BRF1: variants seen among roughly 807,000 people sequenced by gnomAD.
BRF1 encodes the protein BRF1 general transcription factor IIIB subunit.
BRF1 carries 59 observed loss-of-function variants against 81.7 expected under a neutral mutation model. That is an observed-to-expected ratio of 0.72 (90% confidence interval 0.59 to 0.90). The LOEUF (loss-of-function observed/expected upper bound fraction) is 0.90. BRF1 is among the 40% of genes least tolerant of loss of function. The pLI is 0.00. For synonymous variants in BRF1, 491 were observed against 395.6 expected, an observed-to-expected ratio of 1.24 and a Z score of -2.86; for missense variants, 1,050 against 936.3, an observed-to-expected ratio of 1.12 and a Z score of -1.58.
intron 5 of BRF1, among the ~76,000 whole-genome samples, chr14:105,245,684 G>A (rs1429744607): frequency 6.6e-6 from 1 of 152,088 alleles, no homozygotes; most frequent in African/African-American, 2.4e-5. Flanking sequence ...GGAAAGGATG[G>A]TCTCTTCAAT....
chr14:105,249,169 G>A (rs1250361323), intron 5 of BRF1: 1 of 1,583,124 alleles, frequency 6.3e-7, no homozygotes, highest in Non-Finnish European at 8.5e-7. Flanking sequence ...ACGCGCTCAT[G>A]TTCAACAACG....
rs1040246571 is a variant in BRF1 at position 105,210,644 on chromosome 14, A to T, written c.1997-56T>A. ...GTCTCTGTGGGACCCAGGAGCCCAG[A>T]CCCCCCAACCCGCCCTGTTCCTGGT... is the stretch of plus-strand genomic sequence containing the variant. On this transcript the variant is annotated intron_variant, in intron 17 of 17. Transcript: ENST00000547530. This position sits in a 1 kb window ranked among gnomAD's most constrained non-coding sequence, Gnocchi z 4.7. 1.3e-6 allele frequency: 2 copies of T among 1,584,718 alleles called. No homozygotes were observed. Among genetic ancestry groups the T allele is most frequent in the Admixed American group, 1.7e-5 (1 of 59,014 alleles).
chr14:105,305,094 G>A (rs1230296016), upstream of BRF1, among the ~76,000 whole-genome samples: 1 of 152,248 alleles, frequency 6.6e-6, no homozygotes, highest in South Asian at 2.1e-4. Context: ...TCATGAGCGG[G>A]ATTAATGCCC....
At chr14:105,251,899 T>TA (rs1297762326) in intron 5 of BRF1, among the ~76,000 whole-genome samples, 1 of 151,944 alleles carries the variant, frequency 6.6e-6, no homozygotes, top group East Asian at 1.9e-4. Context: ...AGACAGGACT[T>TA]ACCCTACACC....
intron 2 of BRF1, among the ~76,000 whole-genome samples, chr14:105,275,064 A>G (rs2056824890): frequency 6.6e-6 from 1 of 152,204 alleles, no homozygotes; most frequent in Non-Finnish European, 1.5e-5. Context: ...GACCTCCCAG[A>G]TTTATTTGAT....
chr14:105,285,879 T>C (rs2057296549), intron 2 of BRF1, among the ~76,000 whole-genome samples: 1 of 152,238 alleles, frequency 6.6e-6, no homozygotes, highest in South Asian at 2.1e-4. Context: ...GACTTGTACC[T>C]AAAACACATA....
Position 105,211,141 on chromosome 14 carries a change from C to T in BRF1, c.1977G>A (p.Leu659=). The change falls in exon 17 of 18, where the codon CTG becomes CTA. Residue 659 remains leucine (L), a synonymous_variant. Coordinates refer to ENST00000547530, the MANE Select transcript of BRF1 (RefSeq NM_001519.4). ...EEDGEPCVSA[L]QMMGSNDYGC... ...ACCCACCGTTGCTGCCCATCATCTG[C>T]AGGGCACTGACGCAGGGCTCCCCGT... is the stretch of plus-strand genomic sequence containing the variant. 6.2e-7 allele frequency: 1 copy of T among 1,612,664 alleles called. No homozygotes were observed. Among genetic ancestry groups the T allele is most frequent in the Non-Finnish European group, 8.5e-7 (1 of 1,179,930 alleles).
Position 105,248,189 on chromosome 14 carries a change from T to C in BRF1, c.544+4318A>G, listed in dbSNP as rs943901770. On this transcript the variant is annotated intron_variant, in intron 5 of 17. Transcript: ENST00000547530. Reference sequence around the variant, plus strand: ...TGCAAGCGCTGGCTGCTGGCGTCCGTAGCAAGCTAAATCGCGAAGCATCTG... The same window carrying C: ...TGCAAGCGCTGGCTGCTGGCGTCCGCAGCAAGCTAAATCGCGAAGCATCTG... 1.0e-4 allele frequency: 100 copies of C among 985,470 alleles called. No homozygotes were observed. The African/African-American group carries it at 1.4e-3, about 14-fold the overall frequency. The allele number at this position is 985,470 out of a possible 1,614,324, so 61.0% of individuals were successfully genotyped here.
intron 5 of BRF1, among the ~76,000 whole-genome samples, chr14:105,246,671 G>C (rs2055135529): frequency 6.7e-6 from 1 of 148,762 alleles, no homozygotes; most frequent in Non-Finnish European, 1.5e-5. Context: ...TGGCCAGGCT[G>C]GTCTCAAACT....
At chr14:105,248,463 CAGCTTCG>C (rs1269855534) in intron 5 of BRF1, 1 of 984,970 alleles carries the variant, frequency 1.0e-6, no homozygotes, top group Non-Finnish European at 1.2e-6. Context: ...GAAGCTCGAG[CAGCTTCG>C]AGGATGTCGG....
rs1351290589 is a variant in BRF1 at position 105,228,844 on chromosome 14, A to G, written c.764T>C (p.Val255Ala). 4 of 1,613,828 alleles carry G rather than the reference A, an allele frequency of 2.5e-6. No individual in the cohort carries two copies. The highest frequency in any genetic ancestry group is 1.3e-5 in the African/African-American group (1 of 74,942). Reference sequence around the variant, plus strand: ...CCTCTTCCGCAGCGTGGACTCACACACTTTGACCACACTGATGACCTCCTT... The same window carrying G: ...CCTCTTCCGCAGCGTGGACTCACACGCTTTGACCACACTGATGACCTCCTT... Reference protein sequence around the residue: ...TVKEVISVVKVCESTLRKRLT... With the variant: ...TVKEVISVVKACESTLRKRLT... Residue 255 changes from valine to alanine, a missense_variant, in exon 7 of 18, where the codon GTG (valine) becomes GCG (alanine). Coordinates refer to ENST00000547530, the MANE Select transcript of BRF1 (RefSeq NM_001519.4).
chr14:105,254,466 A>C (rs2816609), intron 4 of BRF1, among the ~76,000 whole-genome samples: 44,950 of 151,940 alleles, frequency 0.3, 6,888 homozygotes, highest in African/African-American at 0.34. Context: ...ACCGCGTTAG[A>C]CAGGATGGTC....
At position 105,284,579 on chromosome 14, in the gene BRF1, G is replaced by A. The variant is rs1195451457; in HGVS notation, c.265+1717C>T. On this transcript the variant is annotated intron_variant, in intron 2 of 17. Transcript: ENST00000547530. This position sits in a 1 kb window ranked among gnomAD's most constrained non-coding sequence, Gnocchi z 4.0. ...CATCCACACTAAGGCTGCAGGACAT[G>A]GCTGCACCGATCACAAGAATCCCTC... Among the ~76,000 whole-genome samples the A allele has an allele frequency of 2.0e-5, 3 of 152,160 alleles. No homozygotes were observed. Among genetic ancestry groups the A allele is most frequent in the Non-Finnish European group, 4.4e-5 (3 of 68,018 alleles).
rs367704527 is a variant in BRF1 at position 105,256,332 on chromosome 14, G to A, written c.471+186C>T. 101 of 1,551,102 alleles carry A rather than the reference G, an allele frequency of 6.5e-5. 1 individual carries two copies. In the Admixed American group the frequency reaches 1.4e-3, roughly 22 times the overall value. ...GGAGACCCACACTCCCACAAGTCTC[G>A]GACTGTGACCCCCATGTCATGAAGG... On this transcript the variant is annotated intron_variant, in intron 4 of 17. Coordinates refer to ENST00000547530, the MANE Select transcript of BRF1 (RefSeq NM_001519.4).
chr14:105,304,782 A>G (rs1484560599), upstream of BRF1, among the ~76,000 whole-genome samples: 1 of 152,272 alleles, frequency 6.6e-6, no homozygotes, highest in Non-Finnish European at 1.5e-5. Context: ...TCTTACGTGG[A>G]TGGCAGCAGG....
In BRF1 at chr14:105,293,645, G is replaced by A. The variant is rs941977700; in HGVS notation, c.184+6801C>T. Among the ~76,000 whole-genome samples, 7 of 152,192 alleles carry A rather than the reference G, an allele frequency of 4.6e-5. No homozygotes were observed. In the South Asian group the frequency reaches 6.2e-4, roughly 13 times the overall value. On this transcript the variant is annotated intron_variant, in intron 1 of 17. Coordinates refer to ENST00000547530, the MANE Select transcript of BRF1 (RefSeq NM_001519.4). ...ACGGCCTCCTCAGGGCACTGCCAAC[G>A]GCCCCCAACTCCACCGTCTGCCTGG...
chr14:105,250,065 G>C, intron 5 of BRF1: 1 of 1,612,944 alleles, frequency 6.2e-7, no homozygotes, highest in Non-Finnish European at 8.5e-7. Flanking sequence ...TATCTGGTCC[G>C]AATTCCAACC....
rs1435294889 is a variant in BRF1 at position 105,209,553 on chromosome 14, AGC to A, written c.*996_*997del. 4.3e-6 allele frequency: 3 copies of A among 702,640 alleles called. No individual in the cohort carries two copies. In the Admixed American group the frequency reaches 6.0e-5, roughly 14 times the overall value. 43.5% of individuals were successfully genotyped at this position (702,640 alleles called of 1,614,324 possible). A position where few individuals can be genotyped will look rare whatever the true frequency, so the allele number is the denominator to read the frequency against. ...AAGCCCCCTCGGCCACATCCGGGGC[AGC>A]CATGCCAGAGCTGAGACCTCCTACG... On this transcript the variant is annotated 3_prime_UTR_variant, in exon 18 of 18. Coordinates refer to ENST00000547530, the MANE Select transcript of BRF1 (RefSeq NM_001519.4).
chr14:105,251,333 C>G (rs1251701433), intron 5 of BRF1, among the ~76,000 whole-genome samples: 1 of 152,188 alleles, frequency 6.6e-6, no homozygotes, highest in Non-Finnish European at 1.5e-5. Flanking sequence ...TCACTAGCAC[C>G]TCAGAGTCCT....
Sources: allele counts gnomAD v4.1 joint callset (sites outside exome capture counted in the v4.1 genomes callset), GRCh38; gene constraint gnomAD v4.1.1; non-coding constraint Gnocchi (gnomAD v3.1); transcripts MANE v1.5; gene names NCBI Gene and HGNC (gene_info 2026-07-23, HGNC 2026-07-21).